The following GVQW3 variants were observed in gnomAD, a reference collection of about 807,000 sequenced individuals.
GVQW3 encodes the protein GVQW motif containing 3, also known as protein GVQW3.
In GVQW3, 7 loss-of-function variants were observed where a neutral mutation model predicts 12.5. The observed-to-expected ratio is 0.56, with a 90% CI of 0.32 to 1.05. GVQW3 has a LOEUF of 1.05. Ranked by LOEUF, GVQW3 falls within the 50% of genes least tolerant of loss-of-function variation. The pLI is 0.04. For missense variants in GVQW3, 188 were observed against 190.8 expected, an observed-to-expected ratio of 0.99 and a Z score of 0.09; for synonymous variants, 71 against 67.2, an observed-to-expected ratio of 1.06 and a Z score of -0.28.
chr11:76,399,410 G>A (rs1245467317), intron 1 of GVQW3, among the ~76,000 whole-genome samples: 1 of 152,004 alleles, frequency 6.6e-6, no homozygotes, highest in Non-Finnish European at 1.5e-5. Flanking sequence ...CCAAAGTGCT[G>A]GGATTACAGG....
intron 1 of GVQW3, among the ~76,000 whole-genome samples, chr11:76,402,941 T>C (rs12289109): frequency 3.4e-5 from 5 of 147,752 alleles, no homozygotes; most frequent in African/African-American, 1.2e-4. Flanking sequence ...AATTTGTTTG[T>C]TTGTTTATTT....
chr11:76,413,103 G>C (rs1947092652), downstream of GVQW3: 1 of 152,194 alleles, frequency 6.6e-6, no homozygotes, highest in Admixed American at 6.5e-5. Flanking sequence ...AGAGGAAAGA[G>C]AGCATCCACT....
At chr11:76,397,036 G>A (rs188863771) in intron 1 of GVQW3, among the ~76,000 whole-genome samples, 26 of 115,864 alleles carry the variant, frequency 2.2e-4, no homozygotes, top group African/African-American at 4.8e-4. Flanking sequence ...ATGGAGTTTC[G>A]CTCTTGTTGC....
In GVQW3 at chr11:76,407,555, C is replaced by A. The variant is rs541725709; in HGVS notation, c.*3797C>A. On this transcript the variant is annotated 3_prime_UTR_variant, in exon 2 of 2. Transcript: ENST00000529331. ...TCGCACCACTGCACTCCAGCCTGGG[C>A]GGCAGAGCAAGACTCCCTCTCAAAA... 1 of 120,106 alleles carries A rather than the reference C, an allele frequency of 8.3e-6. No individual in the cohort carries two copies. Among genetic ancestry groups the A allele is most frequent in the African/African-American group, 3.2e-5 (1 of 31,264 alleles). The allele number at this position is 120,106 out of a possible 1,614,324, so 7.4% of individuals were successfully genotyped here.
downstream of GVQW3, among the ~76,000 whole-genome samples, chr11:76,409,877 G>A (rs1280128044): frequency 6.6e-5 from 10 of 152,206 alleles, no homozygotes. Flanking sequence ...ATCAGTGCCA[G>A]GCCCTGTGCT....
chr11:76,408,273 G>A (rs1947060572), downstream of GVQW3: 1 of 152,162 alleles, frequency 6.6e-6, no homozygotes, highest in Non-Finnish European at 1.5e-5. Context: ...TGGAGGAAAG[G>A]ATTAGCTCTG....
intron 1 of GVQW3, among the ~76,000 whole-genome samples, chr11:76,388,113 T>C (rs1946854409): frequency 1.3e-5 from 2 of 152,232 alleles, no homozygotes; most frequent in Non-Finnish European, 2.9e-5. Context: ...AAACCAGTGT[T>C]GGCAACACTA....
downstream of GVQW3, chr11:76,408,419 G>T (rs1947061543): frequency 6.6e-6 from 1 of 152,194 alleles, no homozygotes; most frequent in African/African-American, 2.4e-5. Flanking sequence ...TATGATTACT[G>T]TCAAGGCTTA....
rs1947005348 is a variant in GVQW3 at position 76,402,956 on chromosome 11, AT to A, written c.466-701del. Among the ~76,000 whole-genome samples the A allele has an allele frequency of 2.8e-5, 4 of 144,214 alleles. No individual in the cohort carries two copies. In the South Asian group the frequency reaches 8.8e-4, roughly 32 times the overall value. 94.6% of individuals were successfully genotyped at this position (144,214 alleles called of 152,430 possible). A position where few individuals can be genotyped will look rare whatever the true frequency, so the allele number is the denominator to read the frequency against. On this transcript the variant is annotated intron_variant, in intron 1 of 1. Transcript: ENST00000529331. ...AATTTGTTTGTTTGTTTATTTATTTATTTATTTTTGAGACAGAGTCTTACTC... is the reference window on the plus strand; with the variant it reads ...AATTTGTTTGTTTGTTTATTTATTTATTATTTTTGAGACAGAGTCTTACTC...
chr11:76,400,006 T>TACACACACAC (rs60192043), intron 1 of GVQW3, among the ~76,000 whole-genome samples: 3,996 of 140,410 alleles, frequency 0.028, 71 homozygotes, highest in South Asian at 0.038. Context: ...TCTCTCTGTA[T>TACACACACAC]ACACACACAC....
downstream of GVQW3, chr11:76,412,140 G>A (rs1270896203): frequency 1.3e-5 from 2 of 152,194 alleles, no homozygotes; most frequent in African/African-American, 2.4e-5. Flanking sequence ...CCTACCACAT[G>A]CCAGACATTG....
rs182177139 is a variant in GVQW3 at position 76,393,744 on chromosome 11, A to C, written c.466-9916A>C. Among the ~76,000 whole-genome samples the C allele has an allele frequency of 2.6e-5, 4 of 152,132 alleles. 1 individual carries two copies. The highest frequency in any genetic ancestry group is 2.6e-4 in the Admixed American group (4 of 15,262). On this transcript the variant is annotated intron_variant, in intron 1 of 1. Transcript: ENST00000529331. ...TTTTAGCTTTAGCTTTTGTGGATAC[A>C]TAGCAGGTATATATATATTTATGGA...
At chr11:76,385,889 G>C (rs1315075695) in intron 1 of GVQW3, among the ~76,000 whole-genome samples, 4 of 152,168 alleles carry the variant, frequency 2.6e-5, no homozygotes, top group South Asian at 2.1e-4. Context: ...ACCTCTAGTA[G>C]CAAGAGTCAT....
intron 1 of GVQW3, among the ~76,000 whole-genome samples, chr11:76,403,393 G>A (rs1023751650): frequency 2.6e-5 from 4 of 152,176 alleles, no homozygotes; most frequent in African/African-American, 9.6e-5. Flanking sequence ...TTTGCAAGCT[G>A]GAGCCCAGGA....
At chr11:76,399,911 C>T (rs968896169) in intron 1 of GVQW3, among the ~76,000 whole-genome samples, 4 of 151,856 alleles carry the variant, frequency 2.6e-5, no homozygotes, top group Admixed American at 2.0e-4. Flanking sequence ...GGGTCTACAG[C>T]TTGCCAGGTA....
chr11:76,396,476 A>C (rs1163548064), intron 1 of GVQW3, among the ~76,000 whole-genome samples: 1 of 152,000 alleles, frequency 6.6e-6, no homozygotes, highest in Non-Finnish European at 1.5e-5. Context: ...CACCACACCC[A>C]GCTAATTTTG....
intron 1 of GVQW3, among the ~76,000 whole-genome samples, chr11:76,387,060 A>C (rs1274682708): frequency 2.0e-5 from 3 of 152,232 alleles, no homozygotes; most frequent in Non-Finnish European, 4.4e-5. Context: ...TGTTCCAATA[A>C]AACTTTATAA....
rs762370387 is a variant in GVQW3, at chr11:76,406,939, C to G, written c.*3181C>G. ...AGGAGAATGGCAAGAACCTGGGAGGCGGAGCTTGCAGTGAGCCAAGGTCAC... is the reference window on the plus strand; with the variant it reads ...AGGAGAATGGCAAGAACCTGGGAGGGGGAGCTTGCAGTGAGCCAAGGTCAC... On this transcript the variant is annotated 3_prime_UTR_variant, in exon 2 of 2. Coordinates refer to ENST00000529331, the MANE Select transcript of GVQW3 (RefSeq NM_001347885.2). 1 of 151,970 alleles carries G rather than the reference C, an allele frequency of 6.6e-6. No homozygotes were observed. The highest frequency in any genetic ancestry group is 2.4e-5 in the African/African-American group (1 of 41,354). 9.4% of individuals were successfully genotyped at this position (151,970 alleles called of 1,614,324 possible). A position where few individuals can be genotyped will look rare whatever the true frequency, so the allele number is the denominator to read the frequency against.
chr11:76,383,360 C>G (rs755726273), intron 1 of GVQW3: 1 of 152,256 alleles, frequency 6.6e-6, no homozygotes, highest in Admixed American at 6.5e-5. Flanking sequence ...TCTCCAAGGG[C>G]TGATGGGCTT....
Sources: allele counts gnomAD v4.1 joint callset (sites outside exome capture counted in the v4.1 genomes callset), GRCh38; gene constraint gnomAD v4.1.1; transcripts MANE v1.5; gene names NCBI Gene and HGNC (gene_info 2026-07-23, HGNC 2026-07-21).